Variants in RPF1 observed in about 807,000 individuals in gnomAD.
The protein encoded by RPF1 is ribosome production factor 1.
A neutral mutation model predicts 41.9 loss-of-function variants in RPF1; 34 were observed. That is an observed-to-expected ratio of 0.81 (90% CI 0.62 to 1.08). The LOEUF (loss-of-function observed/expected upper bound fraction) is 1.08. Among genes scored for constraint, RPF1 ranks in the 50% least tolerant of loss-of-function variants. The probability of loss-of-function intolerance (pLI) is 0.00; values close to 1 mark genes in which losing one functional copy is unlikely to be tolerated. For missense variants in RPF1, 425 were observed against 435.2 expected, an observed-to-expected ratio of 0.98 and a Z score of 0.21; for synonymous variants, 140 against 148.9, an observed-to-expected ratio of 0.94 and a Z score of 0.43.
chr1:84,496,352 G>C lies in RPF1; in HGVS notation c.990G>C (p.Glu330Asp), dbSNP rs368405416. 3 of 1,611,320 alleles carry C rather than the reference G, an allele frequency of 1.9e-6. No individual in the cohort carries two copies. Among genetic ancestry groups the C allele is most frequent in the Non-Finnish European group, 2.5e-6 (3 of 1,178,668 alleles). The change falls in exon 8 of 9, where the codon GAG becomes GAC. Residue 330 changes from glutamate to aspartate, a missense_variant. Coordinates refer to ENST00000370654, the MANE Select transcript of RPF1 (RefSeq NM_025065.7). ...GAACCTTTGATTCTAAATATGGAGA[G>C]TATGAATGGGTCCATAAGGTATGTG... ...QKGTFDSKYGEYEWVHKPREM... is the reference protein window; with the variant it reads ...QKGTFDSKYGDYEWVHKPREM...
At chr1:84,495,622 C>T (rs758793258) in intron 6 of RPF1, among the ~76,000 whole-genome samples, 167 bp downstream of exon 6, 15 of 152,178 alleles carry the variant, frequency 9.9e-5, no homozygotes, top group Non-Finnish European at 1.5e-4. Flanking sequence ...GGTTAAGTTA[C>T]AGCCGGCAGG....
chr1:84,482,540 A>G (rs186652697), intron 2 of RPF1, among the ~76,000 whole-genome samples: 1,600 of 152,308 alleles, frequency 0.011, 11 homozygotes, highest in Non-Finnish European at 0.017. Context: ...TCCTGAAAGT[A>G]TTGGAACAAA....
rs1681601028 is a variant in RPF1 at position 84,479,475 on chromosome 1, TA to T, written c.196del (p.Met66CysfsTer51). ...ATTAAAAACAAACAGCGGCGACACT[TA>T]ATGTTCACGCGGTGGAAACAGCAGC... ...SEIKNKQRRH[L>X]MFTRWKQQQR... On this transcript the variant is annotated frameshift_variant, in exon 1 of 9. Coordinates refer to ENST00000370654, the MANE Select transcript of RPF1 (RefSeq NM_025065.7). LOFTEE classifies it high-confidence loss of function. 6.2e-7 allele frequency: 1 copy of T among 1,614,056 alleles called. No homozygotes were observed. The highest frequency in any genetic ancestry group is 1.7e-5 in the Admixed American group (1 of 60,008).
At chr1:84,493,599 A>AT (rs1681875300) in intron 5 of RPF1, among the ~76,000 whole-genome samples, 1 of 151,814 alleles carries the variant, frequency 6.6e-6, no homozygotes, top group Non-Finnish European at 1.5e-5. Flanking sequence ...AAAAAAAAAA[A>AT]CAAAAGAAAA....
chr1:84,489,442 A>G (rs542018836), intron 3 of RPF1, among the ~76,000 whole-genome samples, 191 bp from the exon 4 acceptor site: 32 of 152,210 alleles, frequency 2.1e-4, no homozygotes, highest in African/African-American at 7.2e-4. Flanking sequence ...TTGTACTTGT[A>G]TTTTACACAG....
chr1:84,489,095 T>A (rs1681786721), intron 3 of RPF1, among the ~76,000 whole-genome samples: 1 of 152,078 alleles, frequency 6.6e-6, no homozygotes, highest in Admixed American at 6.5e-5. Flanking sequence ...CTGCTTCCTT[T>A]GAGTTTATTC....
chr1:84,497,701 G>A lies in RPF1; in HGVS notation c.*231G>A. ...CTTAAACTTAGTTCTCTTGTTTTTG[G>A]GTAACTGTGAATAATTAAGTTGGAA... On this transcript the variant is annotated 3_prime_UTR_variant, in exon 9 of 9. Coordinates refer to ENST00000370654, the MANE Select transcript of RPF1 (RefSeq NM_025065.7). The A allele has an allele frequency of 2.5e-6, 1 of 393,854 alleles. No individual in the cohort carries two copies. The highest frequency in any genetic ancestry group is 4.6e-6 in the Non-Finnish European group (1 of 215,632). 24.4% of individuals were successfully genotyped at this position (393,854 alleles called of 1,614,324 possible).
In RPF1 at chr1:84,480,998, G is replaced by T; in HGVS notation, c.271G>T (p.Ala91Ser). ...AKKKLKKERE[A>S]LGDKAPPKPV... Reference sequence around the variant, plus strand: ...GAAAAAACTTAAAAAAGAAAGAGAGGCTCTTGGCGATAAGGTAAATAAAAT... The same window carrying T: ...GAAAAAACTTAAAAAAGAAAGAGAGTCTCTTGGCGATAAGGTAAATAAAAT... Residue 91 changes from alanine (A) to serine (S), a missense_variant, in exon 2 of 9, where the codon GCT becomes TCT. Ala to Ser is a moderately conservative substitution (Grantham distance 99, BLOSUM62 1). Coordinates refer to ENST00000370654, the MANE Select transcript of RPF1 (RefSeq NM_025065.7). 6.3e-7 allele frequency: 1 copy of T among 1,591,536 alleles called. No homozygotes were observed. Among genetic ancestry groups the T allele is most frequent in the Non-Finnish European group, 8.6e-7 (1 of 1,163,750 alleles).
At chr1:84,479,532 C>T (rs765062316) in intron 1 of RPF1, 23 bp downstream of exon 1, 6 of 1,608,124 alleles carry the variant, frequency 3.7e-6, no homozygotes, top group African/African-American at 2.7e-5. Context: ...CGGGGGCTGC[C>T]GGGCGCTTGC....
chr1:84,486,741 C>T (rs748271313), intron 3 of RPF1, among the ~76,000 whole-genome samples: 184 of 152,146 alleles, frequency 1.2e-3, no homozygotes, highest in Admixed American at 2.4e-3. Flanking sequence ...GGGCTTTCAT[C>T]ATGACCTGGG....
In RPF1 at chr1:84,482,942, A is replaced by G. The variant is rs768546399; in HGVS notation, c.313A>G (p.Ile105Val). The G allele has an allele frequency of 1.2e-6, 2 of 1,612,072 alleles. No homozygotes were observed. Among genetic ancestry groups the G allele is most frequent in the East Asian group, 2.2e-5 (1 of 44,838 alleles). The change falls in exon 3 of 9, where the codon ATT (isoleucine) becomes GTT (valine). Residue 105 changes from isoleucine (I) to valine (V), a missense_variant. Ile to Val is a conservative substitution (Grantham distance 29, BLOSUM62 3). Transcript: ENST00000370654. The stretch of plus-strand genomic sequence containing the variant: ...TCCACCAAAGCCTGTACCCAAGACC[A>G]TTGACAACCAGCGAGTGTATGATGA... ...KAPPKPVPKT[I>V]DNQRVYDETT...
At chr1:84,482,874 G>A (rs1681675221) in intron 2 of RPF1, 41 bp from the exon 3 acceptor site, 1 of 1,268,078 alleles carries the variant, frequency 7.9e-7, no homozygotes, top group East Asian at 2.3e-5. Flanking sequence ...TATAATTAAT[G>A]TAAAATCCTT....
chr1:84,483,098 T>C, intron 3 of RPF1, 103 bp downstream of exon 3: 1 of 672,698 alleles, frequency 1.5e-6, no homozygotes, highest in Non-Finnish European at 2.7e-6. Flanking sequence ...AGTTGCATAA[T>C]GGACTGATTC....
chr1:84,489,696 A>G lies in RPF1; in HGVS notation c.430A>G (p.Ile144Val), dbSNP rs1011243595. 6.2e-7 allele frequency: 1 copy of G among 1,606,674 alleles called. No individual in the cohort carries two copies. The highest frequency in any genetic ancestry group is 8.5e-7 in the Non-Finnish European group (1 of 1,173,438). ...SYFNKQTSPK[I>V]LITTSDRPHG... ...CTTCAACAAACAGACTTCTCCCAAG[A>G]TTCTCATCACAACATCAGATAGACC... Residue 144 changes from isoleucine to valine, a missense_variant, in exon 4 of 9, where the codon ATT becomes GTT. Transcript: ENST00000370654.
chr1:84,494,284 T>C (rs958160076), intron 5 of RPF1, among the ~76,000 whole-genome samples: 3 of 152,158 alleles, frequency 2.0e-5, no homozygotes, highest in African/African-American at 7.2e-5. Flanking sequence ...TAAAAGCAGT[T>C]AAGATTTGGT....
chr1:84,489,220 T>G (rs1681788937), intron 3 of RPF1, among the ~76,000 whole-genome samples: 1 of 152,220 alleles, frequency 6.6e-6, no homozygotes, highest in Admixed American at 6.5e-5. Flanking sequence ...GGTACTACTT[T>G]CATTAATGTT....
intron 3 of RPF1, chr1:84,483,246 T>G (rs942648387): frequency 4.4e-5 from 20 of 449,706 alleles, no homozygotes; most frequent in African/African-American, 3.6e-4. Flanking sequence ...GAATGGTATT[T>G]TGGAGGGTTT....
intron 7 of RPF1, 46 bp downstream of exon 7, chr1:84,496,109 T>C (rs1464822317): frequency 1.0e-5 from 15 of 1,495,552 alleles, no homozygotes; most frequent in Middle Eastern, 1.8e-4. Context: ...TTATGAAATA[T>C]ATTTTCAACA....
At chr1:84,481,606 A>G (rs1335619113) in intron 2 of RPF1, among the ~76,000 whole-genome samples, 2 of 151,726 alleles carry the variant, frequency 1.3e-5, no homozygotes, top group African/African-American at 4.9e-5. Context: ...ATGGCAGAGA[A>G]AAGAGCAGAT....
Sources: gnomAD v4.1 joint callset for allele counts (sites outside exome capture counted in the v4.1 genomes callset) on GRCh38, gnomAD v4.1.1 for gene constraint, MANE v1.5 for transcripts, NCBI Gene and HGNC (gene_info 2026-07-23, HGNC 2026-07-21) for gene names.